The following ZSCAN25 variants were observed in gnomAD, a reference collection of about 807,000 sequenced individuals.
ZSCAN25 encodes zinc finger and SCAN domain-containing protein 25.
ZSCAN25 carries 27 observed loss-of-function variants against 38.7 expected under a neutral mutation model. The ratio of observed to expected loss-of-function variants is 0.70; its 90% CI spans 0.51 to 0.96. The LOEUF (loss-of-function observed/expected upper bound fraction) is 0.96, where lower values mean the gene tolerates loss of function less well. Among genes scored for constraint, ZSCAN25 ranks in the 40% least tolerant of loss-of-function variants. ZSCAN25 has a pLI of 0.00. For synonymous variants in ZSCAN25, 273 were observed against 277.7 expected, an observed-to-expected ratio of 0.98 and a Z score of 0.17; for missense variants, 637 against 705.9, an observed-to-expected ratio of 0.90 and a Z score of 1.11.
intron 7 of ZSCAN25, among the ~76,000 whole-genome samples, chr7:99,625,512 C>T (rs1216939372): frequency 2.0e-5 from 3 of 152,116 alleles, no homozygotes; most frequent in Admixed American, 6.5e-5. Flanking sequence ...GTCCAGGGCA[C>T]GGTTGACACA....
chr7:99,714,193 A>G, the ZSCAN25 span, among the ~76,000 whole-genome samples: 3 of 152,214 alleles, frequency 2.0e-5, no homozygotes, highest in African/African-American at 7.2e-5. Flanking sequence ...TTACCAATCT[A>G]TGATCTAGAG....
At chr7:99,702,820 G>GTA in the ZSCAN25 span, among the ~76,000 whole-genome samples, 3 of 152,140 alleles carry the variant, frequency 2.0e-5, no homozygotes, top group African/African-American at 7.2e-5. Flanking sequence ...CATTGAATCT[G>GTA]TACATTGCTT....
chr7:99,690,991 C>T, the ZSCAN25 span, among the ~76,000 whole-genome samples: 16 of 152,172 alleles, frequency 1.1e-4, no homozygotes, highest in Non-Finnish European at 1.5e-5. Flanking sequence ...GACACATGCA[C>T]ACTTATGTTT....
chr7:99,710,699 T>G, the ZSCAN25 span: 1 of 1,613,636 alleles, frequency 6.2e-7, no homozygotes, highest in Middle Eastern at 1.7e-4. Flanking sequence ...AGGCTTCACC[T>G]CCTCCCTCCT....
At chr7:99,641,590 G>A in the ZSCAN25 span, among the ~76,000 whole-genome samples, 1 of 152,048 alleles carries the variant, frequency 6.6e-6, no homozygotes, top group African/African-American at 2.4e-5. Context: ...AGATCAAGTA[G>A]GCATCTCAAA....
rs139132964 is a variant in ZSCAN25, at chr7:99,629,023, A to C, written c.806-168A>C. 6.6e-6 allele frequency among the ~76,000 whole-genome samples: 1 copy of C among 152,318 alleles called. No individual in the cohort carries two copies. Among genetic ancestry groups the C allele is most frequent in the Non-Finnish European group, 1.5e-5 (1 of 68,020 alleles). ...TTGGCAGACTATTCTGTAAAAAGAC[A>C]TGGAGGTGGAAATAAGGAAAAAGAA... On this transcript the variant is annotated intron_variant, in intron 7 of 7. Coordinates refer to ENST00000394152, the MANE Select transcript of ZSCAN25 (RefSeq NM_145115.3). This position sits in a 1 kb window ranked among gnomAD's most constrained non-coding sequence, Gnocchi z 5.6.
the ZSCAN25 span, chr7:99,720,557 G>T: frequency 5.7e-6 from 5 of 881,404 alleles, no homozygotes; most frequent in Admixed American, 9.2e-5. Context: ...AGTTCATTAG[G>T]TATAACTCAC....
At chr7:99,709,031 C>G in the ZSCAN25 span, 32 of 1,613,758 alleles carry the variant, frequency 2.0e-5, no homozygotes, top group African/African-American at 1.7e-4. Context: ...CAGGGGCCTC[C>G]TACCTTTCAG....
chr7:99,641,631 T>G, the ZSCAN25 span, among the ~76,000 whole-genome samples: 1 of 152,118 alleles, frequency 6.6e-6, no homozygotes, highest in South Asian at 2.1e-4. Context: ...CTCTTCATTC[T>G]CCTCCCACCA....
chr7:99,680,218 C>T, the ZSCAN25 span, among the ~76,000 whole-genome samples: 1 of 151,960 alleles, frequency 6.6e-6, no homozygotes, highest in Non-Finnish European at 1.5e-5. Context: ...ATCTATTAAC[C>T]CTCCTCTCAC....
At chr7:99,667,012 T>TTCA in the ZSCAN25 span, 25 of 1,614,052 alleles carry the variant, frequency 1.5e-5, no homozygotes, top group Non-Finnish European at 1.9e-5. Flanking sequence ...TCTTCCATTC[T>TTCA]TCATCCTCAG....
the ZSCAN25 span, chr7:99,665,018 T>G: frequency 1.2e-6 from 1 of 818,432 alleles, no homozygotes; most frequent in East Asian, 2.7e-5. Flanking sequence ...ACATTTTAGT[T>G]TACAATAGTA....
the ZSCAN25 span, among the ~76,000 whole-genome samples, chr7:99,646,797 T>TACACACACACACACAC: frequency 1.8e-4 from 25 of 142,078 alleles, no homozygotes; most frequent in East Asian, 4.1e-4. Context: ...ATATGTTTTA[T>TACACACACACACACAC]ACACACACAC....
the ZSCAN25 span, among the ~76,000 whole-genome samples, chr7:99,658,577 G>C: frequency 6.6e-6 from 1 of 151,996 alleles, no homozygotes; most frequent in Non-Finnish European, 1.5e-5. Context: ...TGCTCTTCTC[G>C]AGGAGTATCT....
chr7:99,698,189 T>G, the ZSCAN25 span, among the ~76,000 whole-genome samples: 1 of 152,228 alleles, frequency 6.6e-6, no homozygotes, highest in Admixed American at 6.5e-5. Flanking sequence ...ACACTACAGT[T>G]TCTGACTCCT....
the ZSCAN25 span, among the ~76,000 whole-genome samples, chr7:99,733,681 A>G: frequency 6.6e-6 from 1 of 151,830 alleles, no homozygotes; most frequent in African/African-American, 2.4e-5. Context: ...CCTTCAAGTG[A>G]CCTCCACTAG....
chr7:99,622,152 C>G lies in ZSCAN25; in HGVS notation c.590-397C>G, dbSNP rs188271027. ...ATGTTAGCCAGGATGGTCTCGATCTCCTGACCTCGTGATCTGTCCACCTCA... is the reference window on the plus strand; with the variant it reads ...ATGTTAGCCAGGATGGTCTCGATCTGCTGACCTCGTGATCTGTCCACCTCA... On this transcript the variant is annotated intron_variant, in intron 5 of 7. Transcript: ENST00000394152. The G allele has an allele frequency of 1.3e-3, 257 of 205,310 alleles. 1 individual carries two copies. Among genetic ancestry groups the G allele is most frequent in the African/African-American group, 5.9e-3 (248 of 42,170 alleles). 12.7% of individuals were successfully genotyped at this position (205,310 alleles called of 1,614,324 possible). A position where few individuals can be genotyped will look rare whatever the true frequency, so the allele number is the denominator to read the frequency against.
downstream of ZSCAN25, among the ~76,000 whole-genome samples, chr7:99,634,021 A>G (rs1310171366): frequency 2.0e-5 from 3 of 152,202 alleles, no homozygotes; most frequent in Non-Finnish European, 1.5e-5. Flanking sequence ...TATTTGGTCA[A>G]CTCATAGATG....
chr7:99,714,511 T>G, the ZSCAN25 span: 1 of 1,607,250 alleles, frequency 6.2e-7, no homozygotes, highest in Non-Finnish European at 8.5e-7. Flanking sequence ...TTCTAAAAAA[T>G]TATGAAAACT....
Sources: allele counts gnomAD v4.1 joint callset (sites outside exome capture counted in the v4.1 genomes callset), GRCh38; gene constraint gnomAD v4.1.1; non-coding constraint Gnocchi (gnomAD v3.1); transcripts MANE v1.5; gene names NCBI Gene and HGNC (gene_info 2026-07-23, HGNC 2026-07-21).